The following USP53 variants were observed in gnomAD, a reference collection of about 807,000 sequenced individuals.
The protein encoded by USP53 is ubiquitin specific peptidase 53, also known as ubiquitin carboxyl-terminal hydrolase 53.
Under a neutral mutation model 94.9 loss-of-function variants are expected in USP53, and 71 were observed. The observed-to-expected ratio is 0.75, with a 90% CI of 0.62 to 0.91. The LOEUF (loss-of-function observed/expected upper bound fraction) is 0.91, where lower values mean the gene tolerates loss of function less well. USP53 is among the 40% of genes least tolerant of loss of function. The pLI, the probability that USP53 is intolerant of heterozygous loss-of-function variation, is 0.00. For synonymous variants in USP53, 375 were observed against 422.7 expected (o/e 0.89, Z 1.39); for missense variants, 1,173 against 1,281.0 (o/e 0.92, Z 1.29).
At position 119,271,461 on chromosome 4, in the gene USP53, C is replaced by G; in HGVS notation, c.1601C>G (p.Ser534Ter). 1 of 1,613,452 alleles carries G rather than the reference C, an allele frequency of 6.2e-7. No homozygotes were observed. Among genetic ancestry groups the G allele is most frequent in the Non-Finnish European group, 8.5e-7 (1 of 1,179,906 alleles). The change falls in exon 16 of 19, where the codon TCA (serine) becomes TGA (stop). Residue 534 changes from serine (S) to a stop codon, truncating the protein, a stop_gained. Transcript: ENST00000692078. LOFTEE classifies it high-confidence loss of function. ...CGAGCTTCTGCACAAATAATAAGTT[C>G]AAGTAAATCCCAGATTCTTGCTCCA... is the stretch of plus-strand genomic sequence containing the variant. The part of the protein sequence containing the change: ...QSRASAQIIS[S>*]SKSQILAPGE...
At chr4:119,255,840 T>G (rs1392228137) in intron 7 of USP53, among the ~76,000 whole-genome samples, 1 of 152,200 alleles carries the variant, frequency 6.6e-6, no homozygotes, top group Non-Finnish European at 1.5e-5. Context: ...TCAGTCTCAC[T>G]GGGAGCTGTA....
chr4:119,230,598 A>C (rs187773349), intron 3 of USP53, among the ~76,000 whole-genome samples: 2 of 152,324 alleles, frequency 1.3e-5, no homozygotes, highest in East Asian at 3.9e-4. Context: ...ATTCCTATCA[A>C]GATAGCCATT....
intron 3 of USP53, chr4:119,221,516 A>G (rs1030557965): frequency 8.5e-5 from 13 of 152,150 alleles, no homozygotes; most frequent in Non-Finnish European, 1.6e-4. Context: ...GACCTTAAGG[A>G]GCCACCAGGG....
At chr4:119,247,226 C>G (rs1243886067) in intron 6 of USP53, among the ~76,000 whole-genome samples, 1 of 152,168 alleles carries the variant, frequency 6.6e-6, no homozygotes, top group Middle Eastern at 3.2e-3. Flanking sequence ...TGCCTCTTTC[C>G]TGTGCTTGCC....
chr4:119,259,732 C>T (rs574387609), intron 9 of USP53, 88 bp from the exon 10 acceptor site: 2 of 850,452 alleles, frequency 2.4e-6, no homozygotes, highest in South Asian at 4.6e-5. Context: ...AAAAGTGATG[C>T]ACATCTAAAC....
rs774801338 is a variant in USP53 at position 119,261,775 on chromosome 4, A to T, written c.883A>T (p.Ile295Phe). The T allele has an allele frequency of 6.4e-7, 1 of 1,552,522 alleles. No individual in the cohort carries two copies. Among genetic ancestry groups the T allele is most frequent in the South Asian group, 1.2e-5 (1 of 82,480 alleles). The change falls in exon 12 of 19, where the codon ATC (isoleucine) becomes TTC (phenylalanine). Residue 295 changes from isoleucine to phenylalanine, a missense_variant. Physicochemically the swap from Ile to Phe is conservative, Grantham distance 21 (BLOSUM62 0). Transcript: ENST00000692078. ...KNSELNLVGM[I>F]CYTSQHYCAF... ...TAGTGAACTTAACCTTGTTGGTATG[A>T]TCTGCTACACCAGCCAACATTATTG...
chr4:119,225,277 C>T (rs1360397943), intron 3 of USP53, among the ~76,000 whole-genome samples: 1 of 152,080 alleles, frequency 6.6e-6, no homozygotes, highest in African/African-American at 2.4e-5. Flanking sequence ...CCCTTTCTAT[C>T]AAAGAGATTT....
Position 119,271,414 on chromosome 4 carries a change from TGA to T in USP53, c.1555_1556del (p.Asp519ProfsTer17), listed in dbSNP as rs1751843758. The T allele has an allele frequency of 6.2e-7, 1 of 1,613,860 alleles. No individual in the cohort carries two copies. The highest frequency in any genetic ancestry group is 8.5e-7 in the Non-Finnish European group (1 of 1,179,994). ...HSQGKGSYKH[D>X]RVVPQSRASA... is the part of the protein sequence containing the mutation. ...GTCAAGGAAAAGGATCATATAAACA[TGA>T]CCGAGTTGTACCTCAGAGTCGAGCT... On this transcript the variant is annotated frameshift_variant, in exon 16 of 19. Coordinates refer to ENST00000692078, the MANE Select transcript of USP53 (RefSeq NM_001371395.1). LOFTEE classifies it high-confidence loss of function.
chr4:119,241,166 A>G (rs1747478670), intron 5 of USP53, among the ~76,000 whole-genome samples: 1 of 152,194 alleles, frequency 6.6e-6, no homozygotes, highest in South Asian at 2.1e-4. Context: ...CAAAACGCAT[A>G]TTAGAACGGG....
In USP53 at chr4:119,263,352, G is replaced by C. The variant is rs76069375; in HGVS notation, c.972+1488G>C. Among the ~76,000 whole-genome samples, 469 of 152,316 alleles carry C rather than the reference G, an allele frequency of 3.1e-3. 14 individuals are homozygous for C. The East Asian group carries it at 0.06, about 19-fold the overall frequency. On this transcript the variant is annotated intron_variant, in intron 12 of 18. Coordinates refer to ENST00000692078, the MANE Select transcript of USP53 (RefSeq NM_001371395.1). Reference sequence around the variant, plus strand: ...CTGGGTTGCAGTGCAGGCAGTGGGAGCCCAAACAAAGCCTAGTAGTGTCAC... The same window carrying C: ...CTGGGTTGCAGTGCAGGCAGTGGGACCCCAAACAAAGCCTAGTAGTGTCAC...
chr4:119,275,573 C>A (rs1197956543), intron 17 of USP53, among the ~76,000 whole-genome samples: 1 of 150,106 alleles, frequency 6.7e-6, no homozygotes, highest in African/African-American at 2.5e-5. Flanking sequence ...ATTGACTTGG[C>A]GATGCGGGCT....
chr4:119,234,207 C>T (rs1342824125), intron 3 of USP53, among the ~76,000 whole-genome samples: 2 of 152,196 alleles, frequency 1.3e-5, no homozygotes, highest in African/African-American at 4.8e-5. Flanking sequence ...TAGAAATTCT[C>T]TGCCCAGAGC....
intron 2 of USP53, among the ~76,000 whole-genome samples, chr4:119,216,331 A>C (rs530490932): frequency 9.9e-5 from 15 of 151,790 alleles, no homozygotes; most frequent in Non-Finnish European, 2.2e-4. Context: ...CAGTTAGCTG[A>C]GATTGTGCCG....
At chr4:119,248,636 T>A in intron 6 of USP53, 112 bp from the exon 7 acceptor site, 1 of 1,300,154 alleles carries the variant, frequency 7.7e-7, no homozygotes, top group East Asian at 2.5e-5. Context: ...AGCAAAAGAC[T>A]TCTGTATTAT....
intron 9 of USP53, among the ~76,000 whole-genome samples, chr4:119,257,061 G>GATT (rs924021762): frequency 1.3e-5 from 2 of 152,186 alleles, no homozygotes; most frequent in Non-Finnish European, 2.9e-5. Context: ...GTCCATGAAA[G>GATT]ATTAGCTCGT....
intron 10 of USP53, among the ~76,000 whole-genome samples, 179 bp downstream of exon 10, chr4:119,260,104 A>ATTT (rs1258673292): frequency 6.6e-6 from 1 of 151,650 alleles, no homozygotes; most frequent in Non-Finnish European, 1.5e-5. Context: ...TTGTTTAAAA[A>ATTT]CTCCTAAGTT....
intron 3 of USP53, among the ~76,000 whole-genome samples, chr4:119,227,891 A>C (rs556399996): frequency 2.0e-4 from 31 of 152,352 alleles, no homozygotes; most frequent in Admixed American, 1.8e-3. Flanking sequence ...TTACTCAGTA[A>C]TAAGGAATGT....
intron 16 of USP53, chr4:119,273,361 T>G: frequency 4.3e-6 from 1 of 232,216 alleles, no homozygotes. Flanking sequence ...TAATTCTTCT[T>G]GGAATGGAGT....
At chr4:119,236,854 C>G (rs1159431648) in intron 4 of USP53, among the ~76,000 whole-genome samples, 1 of 152,172 alleles carries the variant, frequency 6.6e-6, no homozygotes, top group East Asian at 1.9e-4. Context: ...TTGCCCTCCT[C>G]TTGTGAATCC....
Sources: gnomAD v4.1 joint callset for allele counts (sites outside exome capture counted in the v4.1 genomes callset) on GRCh38, gnomAD v4.1.1 for gene constraint, MANE v1.5 for transcripts, NCBI Gene and HGNC (gene_info 2026-07-23, HGNC 2026-07-21) for gene names.